The following KIAA1614 variants were observed in gnomAD, a reference collection of about 807,000 sequenced individuals.
KIAA1614 encodes the protein uncharacterized protein KIAA1614.
A neutral mutation model predicts 88.7 loss-of-function variants in KIAA1614; 76 were observed. The observed-to-expected ratio is 0.86, with a 90% CI of 0.71 to 1.04. KIAA1614 has a LOEUF of 1.04. Among genes scored for constraint, KIAA1614 ranks in the 50% least tolerant of loss-of-function variants. The pLI is 0.00. For synonymous variants in KIAA1614, 714 were observed against 675.5 expected (o/e 1.06, Z -0.88); for missense variants, 1,553 against 1,582.5 (o/e 0.98, Z 0.32).
chr1:180,915,744 G>A (rs962027252), intron 1 of KIAA1614, among the ~76,000 whole-genome samples: 2 of 152,156 alleles, frequency 1.3e-5, no homozygotes, highest in African/African-American at 4.8e-5. Flanking sequence ...GGAGGTGAGT[G>A]GCAGCGAGCA....
chr1:180,935,242 C>T lies in KIAA1614; in HGVS notation c.1333C>T (p.Pro445Ser). ...SSGGHRPRRG[P>S]SPSHVRFEDE... The stretch of plus-strand genomic sequence containing the variant: ...CGGTGGGCACAGGCCGAGGCGGGGC[C>T]CCTCGCCGTCGCACGTGCGCTTTGA... Residue 445 changes from proline to serine, a missense_variant, in exon 5 of 9, where the codon CCC becomes TCC. Pro to Ser is a moderately conservative substitution (Grantham distance 74). Transcript: ENST00000367588. The surrounding 1 kb of genome is among the most constrained non-coding windows in gnomAD (Gnocchi z 6.1). The T allele has an allele frequency of 2.0e-6, 3 of 1,530,348 alleles. No individual in the cohort carries two copies. The African/African-American group carries it at 4.3e-5, about 22-fold the overall frequency. The allele number at this position is 1,530,348 out of a possible 1,614,324, so 94.8% of individuals were successfully genotyped here. A position where few individuals can be genotyped will look rare whatever the true frequency, so the allele number is the denominator to read the frequency against.
chr1:180,950,320 TCTC>T lies in KIAA1614; in HGVS notation c.*4735_*4737del, dbSNP rs559662318. The T allele has an allele frequency of 6.9e-6, 8 of 1,163,258 alleles. No homozygotes were observed. The African/African-American group carries it at 1.3e-4, about 19-fold the overall frequency. 72.1% of individuals were successfully genotyped at this position (1,163,258 alleles called of 1,614,324 possible). On this transcript the variant is annotated 3_prime_UTR_variant, in exon 9 of 9. Coordinates refer to ENST00000367588, the MANE Select transcript of KIAA1614 (RefSeq NM_020950.2). ...TTCGATTTGGGTGTCATTGTGAAAT[TCTC>T]CTGTTTTCCTCTGCAGGGATCTACG...
intron 3 of KIAA1614, among the ~76,000 whole-genome samples, chr1:180,927,389 A>G (rs911199811): frequency 6.6e-6 from 1 of 152,240 alleles, no homozygotes; most frequent in Non-Finnish European, 1.5e-5. Context: ...AGGAGAGGAC[A>G]GAGGGTGCGG....
chr1:180,928,995 A>G (rs111434689), intron 4 of KIAA1614, among the ~76,000 whole-genome samples: 1 of 152,228 alleles, frequency 6.6e-6, no homozygotes, highest in African/African-American at 2.4e-5. Context: ...ATAGATATGC[A>G]CTGGCAAGCA....
At chr1:180,923,497 A>C (rs372953302) in intron 3 of KIAA1614, among the ~76,000 whole-genome samples, 1 of 152,330 alleles carries the variant, frequency 6.6e-6, no homozygotes, top group African/African-American at 2.4e-5. Flanking sequence ...CGAGCTGGCC[A>C]CTGGGTGTGA....
chr1:180,933,064 T>A (rs890493961), intron 4 of KIAA1614, among the ~76,000 whole-genome samples: 2 of 152,070 alleles, frequency 1.3e-5, no homozygotes, highest in Non-Finnish European at 2.9e-5. Flanking sequence ...TTAAAAAAAA[T>A]TTCGTTCTGG....
rs375414239 is a variant in KIAA1614 at position 180,936,634 on chromosome 1, C to T, written c.2725C>T (p.Arg909Trp). 166 of 1,578,684 alleles carry T rather than the reference C, an allele frequency of 1.1e-4. 2 individuals carry two copies. Among genetic ancestry groups the T allele is most frequent in the Middle Eastern group, 1.7e-4 (1 of 5,882 alleles). Residue 909 changes from arginine (R) to tryptophan (W), a missense_variant, in exon 5 of 9, where the codon CGG becomes TGG. By Grantham distance (101) the Arg-to-Trp change is moderately radical. Transcript: ENST00000367588. ...TAGGGTGGAGAGGGGCCCCTGCAGC[C>T]GGGAACCGGAGCCGCCCCTGGAGAA... is the stretch of plus-strand genomic sequence containing the variant. ...EGRVERGPCS[R>W]EPEPPLENSR... is the part of the protein sequence containing the mutation.
rs1558063646 is a variant in KIAA1614, at chr1:180,917,027, C to T, written c.924C>T (p.Leu308=). 1 of 1,613,918 alleles carries T rather than the reference C, an allele frequency of 6.2e-7. No homozygotes were observed. Among genetic ancestry groups the T allele is most frequent in the East Asian group, 2.2e-5 (1 of 44,880 alleles). The change falls in exon 2 of 9, where the codon CTC becomes CTT. Residue 308 remains leucine (L), a synonymous_variant. Transcript: ENST00000367588. ...ERNRLLLQEM[L]NVSGQSPRKV... ...ACCGCCTGTTGCTGCAGGAGATGCTCAACGTTTCTGGGCAGAGCCCCCGCA... is the reference window on the plus strand; with the variant it reads ...ACCGCCTGTTGCTGCAGGAGATGCTTAACGTTTCTGGGCAGAGCCCCCGCA...
At chr1:180,936,785 A>C in intron 5 of KIAA1614, 115 bp downstream of exon 5, 2 of 666,742 alleles carry the variant, frequency 3.0e-6, no homozygotes, top group Non-Finnish European at 2.4e-6. Context: ...TTATCTCAAT[A>C]GTCAGATGGC....
In KIAA1614 at chr1:180,916,838, A is replaced by G. The variant is rs1444201289; in HGVS notation, c.735A>G (p.Pro245=). The change falls in exon 2 of 9, where the codon CCA becomes CCG. Residue 245 remains proline, a synonymous_variant. Transcript: ENST00000367588. ...SPRTGRSYPF[P]DGVVTEADLD... ...GGACAGGAAGGTCCTACCCTTTTCCAGATGGCGTGGTGACAGAGGCAGATC... is the reference window on the plus strand; with the variant it reads ...GGACAGGAAGGTCCTACCCTTTTCCGGATGGCGTGGTGACAGAGGCAGATC... The G allele has an allele frequency of 6.2e-7, 1 of 1,614,094 alleles. No individual in the cohort carries two copies. Among genetic ancestry groups the G allele is most frequent in the Non-Finnish European group, 8.5e-7 (1 of 1,180,052 alleles).
intron 3 of KIAA1614, among the ~76,000 whole-genome samples, chr1:180,924,731 A>G (rs1033019979): frequency 6.6e-5 from 10 of 152,176 alleles, no homozygotes; most frequent in Non-Finnish European, 1.2e-4. Context: ...GGTCCCCTCC[A>G]GCTACAAGAT....
rs767610080 is a variant in KIAA1614 at position 180,916,206 on chromosome 1, G to C, written c.103G>C (p.Val35Leu). The C allele has an allele frequency of 1.2e-6, 2 of 1,608,180 alleles. No individual in the cohort carries two copies. Among genetic ancestry groups the C allele is most frequent in the Non-Finnish European group, 1.7e-6 (2 of 1,177,572 alleles). ...TASPVEGTSA[V>L]EWSGPEPQLD... is the part of the protein sequence containing the mutation. ...CAGCCCCGTGGAGGGGACCTCAGCTGTGGAGTGGAGTGGTCCTGAGCCACA... is the reference window on the plus strand; with the variant it reads ...CAGCCCCGTGGAGGGGACCTCAGCTCTGGAGTGGAGTGGTCCTGAGCCACA... Residue 35 changes from valine to leucine, a missense_variant, in exon 2 of 9, where the codon GTG (valine) becomes CTG (leucine). Physicochemically the swap from Val to Leu is conservative, Grantham distance 32. Transcript: ENST00000367588.
chr1:180,938,809 C>A, intron 6 of KIAA1614, 98 bp downstream of exon 6: 1 of 1,113,482 alleles, frequency 9.0e-7, no homozygotes, highest in Non-Finnish European at 1.3e-6. Context: ...TGACCCACCT[C>A]CCTGCCCCTA....
At chr1:180,929,042 C>T (rs773761437) in intron 4 of KIAA1614, among the ~76,000 whole-genome samples, 6 of 152,190 alleles carry the variant, frequency 3.9e-5, no homozygotes, top group Non-Finnish European at 8.8e-5. Context: ...CTTAGTGAGG[C>T]GACAGAGGAG....
At chr1:180,917,290 G>T (rs941385062) in intron 2 of KIAA1614, among the ~76,000 whole-genome samples, 190 bp downstream of exon 2, 1 of 152,198 alleles carries the variant, frequency 6.6e-6, no homozygotes, top group Non-Finnish European at 1.5e-5. Flanking sequence ...CAGCCTCACA[G>T]GCAGCCTGTC....
chr1:180,928,401 A>G (rs935384820), intron 3 of KIAA1614, 29 bp from the exon 4 acceptor site: 2 of 1,512,310 alleles, frequency 1.3e-6, no homozygotes, highest in East Asian at 2.5e-5. Flanking sequence ...TCCCTCCCCC[A>G]CCACCCTGGC....
chr1:180,927,624 G>T (rs1407551246), intron 3 of KIAA1614, among the ~76,000 whole-genome samples: 1 of 152,210 alleles, frequency 6.6e-6, no homozygotes, highest in Non-Finnish European at 1.5e-5. Context: ...CTGTAACCCA[G>T]CGCGGGCTGT....
chr1:180,921,218 C>T (rs1196778644), intron 3 of KIAA1614, among the ~76,000 whole-genome samples: 1 of 148,964 alleles, frequency 6.7e-6, no homozygotes, highest in South Asian at 2.1e-4. Context: ...CGGGCAGGGG[C>T]GGGGGGTCAC....
chr1:180,928,993 G>A lies in KIAA1614; in HGVS notation c.1205+420G>A, dbSNP rs530592866. Among the ~76,000 whole-genome samples, 11 of 152,342 alleles carry A rather than the reference G, an allele frequency of 7.2e-5. No individual in the cohort carries two copies. In the South Asian group the frequency reaches 1.9e-3, roughly 26 times the overall value. On this transcript the variant is annotated intron_variant, in intron 4 of 8. Transcript: ENST00000367588. ...TGAGGCTTGACGGAAGTATAGATAT[G>A]CACTGGCAAGCAGTGCAAGATAGGC...
Sources: gnomAD v4.1 joint callset for allele counts (sites outside exome capture counted in the v4.1 genomes callset) on GRCh38, gnomAD v4.1.1 for gene constraint, Gnocchi (gnomAD v3.1) non-coding constraint, MANE v1.5 for transcripts, NCBI Gene and HGNC (gene_info 2026-07-23, HGNC 2026-07-21) for gene names.